Variants in IPMK observed in about 807,000 individuals in gnomAD.
IPMK encodes the protein inositol polyphosphate multikinase, also known as inositol 1,3,4,6-tetrakisphosphate 5-kinase.
IPMK carries 17 observed loss-of-function variants against 45.8 expected under a neutral mutation model. The ratio of observed to expected loss-of-function variants is 0.37; its 90% CI spans 0.25 to 0.56. IPMK has a LOEUF of 0.56. Ranked by LOEUF, IPMK falls within the 20% of genes least tolerant of loss-of-function variation. The probability of loss-of-function intolerance (pLI) is 0.79; values close to 1 mark genes in which losing one functional copy is unlikely to be tolerated. For missense variants in IPMK, 399 were observed against 498.0 expected (o/e 0.80, Z 1.89); for synonymous variants, 180 against 184.3 (o/e 0.98, Z 0.19).
chr10:58,218,710 C>T (rs528224486), intron 3 of IPMK, among the ~76,000 whole-genome samples: 1 of 152,252 alleles, frequency 6.6e-6, no homozygotes, highest in South Asian at 2.1e-4. Context: ...TGTCTTCTAC[C>T]TGTCAACCTG....
intron 3 of IPMK, among the ~76,000 whole-genome samples, chr10:58,221,048 A>C (rs923531266): frequency 2.0e-5 from 3 of 152,190 alleles, no homozygotes; most frequent in Admixed American, 1.3e-4. Flanking sequence ...TGTATTCATA[A>C]CTCAATTATG....
At chr10:58,259,066 A>G (rs749488294) in intron 1 of IPMK, among the ~76,000 whole-genome samples, 8 of 152,220 alleles carry the variant, frequency 5.3e-5, no homozygotes, top group Non-Finnish European at 1.2e-4. Flanking sequence ...AATTTAAATT[A>G]TAGGTATGGG....
chr10:58,245,441 G>A (rs7092649), intron 1 of IPMK, among the ~76,000 whole-genome samples: 51,228 of 151,358 alleles, frequency 0.34, 10,900 homozygotes, highest in African/African-American at 0.6. Context: ...GTGGAACCCC[G>A]TCTCTACTGA....
intron 1 of IPMK, among the ~76,000 whole-genome samples, chr10:58,244,815 T>G (rs1208456443): frequency 6.6e-6 from 1 of 152,164 alleles, no homozygotes; most frequent in African/African-American, 2.4e-5. Context: ...GTGCACGATG[T>G]GCTTGGTTAA....
chr10:58,205,305 A>C (rs1289129064), intron 4 of IPMK, among the ~76,000 whole-genome samples: 5 of 152,182 alleles, frequency 3.3e-5, no homozygotes, highest in Non-Finnish European at 7.4e-5. Context: ...TTGCAAATCA[A>C]AAGTTTGATG....
At chr10:58,213,669 G>A (rs1198530674) in intron 4 of IPMK, among the ~76,000 whole-genome samples, 1 of 150,048 alleles carries the variant, frequency 6.7e-6, no homozygotes, top group Non-Finnish European at 1.5e-5. Context: ...CTGGGCGACA[G>A]AGCGAGACTC....
chr10:58,253,754 A>T (rs11006096), intron 1 of IPMK, among the ~76,000 whole-genome samples: 1 of 143,418 alleles, frequency 7.0e-6, no homozygotes. Flanking sequence ...AAAAAAAGAA[A>T]AAAAAAGAAA....
chr10:58,250,839 A>G (rs1838870732), intron 1 of IPMK, among the ~76,000 whole-genome samples: 1 of 152,150 alleles, frequency 6.6e-6, no homozygotes, highest in Admixed American at 6.5e-5. Context: ...ATTGTTCTGA[A>G]GTATGTTCCT....
intron 3 of IPMK, among the ~76,000 whole-genome samples, chr10:58,223,047 G>A (rs1313297307): frequency 6.6e-6 from 1 of 152,118 alleles, no homozygotes; most frequent in Non-Finnish European, 1.5e-5. Flanking sequence ...TGGGTACAGT[G>A]TACACTGCTC....
chr10:58,237,586 T>C (rs529244398), intron 2 of IPMK, 143 bp downstream of exon 2: 17 of 635,484 alleles, frequency 2.7e-5, no homozygotes, highest in South Asian at 2.1e-4. Flanking sequence ...ACAGTAAAGA[T>C]ACGCACTGCT....
rs1839022890 is a variant in IPMK, at chr10:58,259,451, C to A, written c.190+7971G>T. Among the ~76,000 whole-genome samples, 3 of 144,562 alleles carry A rather than the reference C, an allele frequency of 2.1e-5. No individual in the cohort carries two copies. In the South Asian group the frequency reaches 6.5e-4, roughly 31 times the overall value. The allele number at this position is 144,562 out of a possible 152,430, so 94.8% of individuals were successfully genotyped here. On this transcript the variant is annotated intron_variant, in intron 1 of 5. Transcript: ENST00000373935. ...CTATCCACTGAAATTTGAAAAAAAT[C>A]CACCTTAATAATGAATGAATGAATG...
chr10:58,196,763 C>T (rs1837901607), intron 5 of IPMK, 65 bp from the exon 6 acceptor site: 2 of 1,107,784 alleles, frequency 1.8e-6, no homozygotes, highest in Non-Finnish European at 2.6e-6. Flanking sequence ...GGGAAGTAAA[C>T]TCATCACAGA....
intron 3 of IPMK, among the ~76,000 whole-genome samples, chr10:58,223,175 T>C (rs955016117): frequency 6.6e-6 from 1 of 152,150 alleles, no homozygotes; most frequent in African/African-American, 2.4e-5. Flanking sequence ...AAATAAAGAT[T>C]ACACAAGGTT....
chr10:58,197,322 A>AATAAATAAATAAATAAATAAATACATAC (rs1212863029), intron 5 of IPMK, among the ~76,000 whole-genome samples: 37 of 110,094 alleles, frequency 3.4e-4, no homozygotes, highest in Admixed American at 9.2e-4. Flanking sequence ...TAAATAAATA[A>AATAAATAAATAAATAAATAAATACATAC]ATAAATACAT....
chr10:58,193,432 A>C lies in IPMK; in HGVS notation c.*2644T>G, dbSNP rs1484765491. ...CACATTAGAGCCATTTAATATACAC[A>C]TTTCCATAACTGTTTCTTGAAAAAC... is the stretch of plus-strand genomic sequence containing the variant. On this transcript the variant is annotated 3_prime_UTR_variant, in exon 6 of 6. Transcript: ENST00000373935. 7.2e-5 allele frequency: 11 copies of C among 151,832 alleles called. No individual in the cohort carries two copies. 9.4% of individuals were successfully genotyped at this position (151,832 alleles called of 1,614,324 possible). A position where few individuals can be genotyped will look rare whatever the true frequency, so the allele number is the denominator to read the frequency against.
At chr10:58,237,293 A>G (rs994685609) in intron 2 of IPMK, among the ~76,000 whole-genome samples, 4 of 152,128 alleles carry the variant, frequency 2.6e-5, no homozygotes, top group African/African-American at 9.7e-5. Flanking sequence ...GTCTTCTCAT[A>G]AAAATTACCT....
rs1015736459 is a variant in IPMK, at chr10:58,193,284, G to T, written c.*2792C>A. ...TATGCTCAATCAAAATACAGACGAA[G>T]GTTCTTCAGTTAAACAGTTTAGAGC... On this transcript the variant is annotated 3_prime_UTR_variant, in exon 6 of 6. Coordinates refer to ENST00000373935, the MANE Select transcript of IPMK (RefSeq NM_152230.5). 4 of 151,774 alleles carry T rather than the reference G, an allele frequency of 2.6e-5. No individual in the cohort carries two copies. The highest frequency in any genetic ancestry group is 2.6e-4 in the Admixed American group (4 of 15,232). The allele number at this position is 151,774 out of a possible 1,614,324, so 9.4% of individuals were successfully genotyped here. A position where few individuals can be genotyped will look rare whatever the true frequency, so the allele number is the denominator to read the frequency against.
chr10:58,245,304 A>G (rs979310564), intron 1 of IPMK, among the ~76,000 whole-genome samples: 2 of 152,006 alleles, frequency 1.3e-5, no homozygotes, highest in African/African-American at 4.8e-5. Context: ...TGTTCAGTGG[A>G]CATGAGTTTT....
chr10:58,265,901 T>C (rs1839140326), intron 1 of IPMK, among the ~76,000 whole-genome samples: 1 of 152,190 alleles, frequency 6.6e-6, no homozygotes, highest in Non-Finnish European at 1.5e-5. Context: ...CTATTCTCCT[T>C]TGCATATAAG....
Sources: gnomAD v4.1 joint callset for allele counts (sites outside exome capture counted in the v4.1 genomes callset) on GRCh38, gnomAD v4.1.1 for gene constraint, MANE v1.5 for transcripts, NCBI Gene and HGNC (gene_info 2026-07-23, HGNC 2026-07-21) for gene names.